The following TRPM7 variants were observed in gnomAD, a reference collection of about 807,000 sequenced individuals.
TRPM7 encodes the protein transient receptor potential cation channel subfamily M member 7, also known as LTRPC ion channel family member 7.
TRPM7 carries 134 observed loss-of-function variants against 229.7 expected under a neutral mutation model. That is an observed-to-expected ratio of 0.58 (90% CI 0.51 to 0.67). The LOEUF is 0.67. Among genes scored for constraint, TRPM7 ranks in the 30% least tolerant of loss-of-function variants. The pLI is 0.00. For missense variants in TRPM7, 1,901 were observed against 2,210.0 expected (o/e 0.86, Z 2.80); for synonymous variants, 699 against 715.2 (o/e 0.98, Z 0.36).
intron 19 of TRPM7, among the ~76,000 whole-genome samples, chr15:50,609,333 A>G (rs971481145): frequency 6.6e-6 from 1 of 152,200 alleles, no homozygotes; most frequent in Non-Finnish European, 1.5e-5. Flanking sequence ...CTACCAACTT[A>G]CAAAGGCCAA....
At position 50,633,027 on chromosome 15, in the gene TRPM7, T is replaced by C. The variant is rs1170383919; in HGVS notation, c.1008-35A>G. 4.5e-6 allele frequency: 7 copies of C among 1,559,668 alleles called. No homozygotes were observed. The South Asian group carries it at 4.9e-5, about 11-fold the overall frequency. ...AAGGAAACATAATTCACTGATTTCA[T>C]CTTCCATTATTTGTAGGATCAATAT... On this transcript the variant is annotated intron_variant, in intron 8 of 38. Transcript: ENST00000646667.
chr15:50,667,073 A>G, intron 1 of TRPM7, among the ~76,000 whole-genome samples: 1 of 151,960 alleles, frequency 6.6e-6, no homozygotes, highest in East Asian at 1.9e-4. Flanking sequence ...CCATAAAGGG[A>G]TGATACTGAG....
chr15:50,581,817 A>C (rs2054427307), intron 29 of TRPM7, among the ~76,000 whole-genome samples: 1 of 151,954 alleles, frequency 6.6e-6, no homozygotes. Flanking sequence ...AAGGCCAGTT[A>C]GATATGTCTT....
Position 50,560,679 on chromosome 15 carries a change from A to G in TRPM7, c.*999T>C, listed in dbSNP as rs1441553332. Reference sequence around the variant, plus strand: ...CACTGCAATCTGCCAGTATCACATAATGATAATCCAACTGAATTAATTTCT... The same window carrying G: ...CACTGCAATCTGCCAGTATCACATAGTGATAATCCAACTGAATTAATTTCT... On this transcript the variant is annotated 3_prime_UTR_variant, in exon 39 of 39. Coordinates refer to ENST00000646667, the MANE Select transcript of TRPM7 (RefSeq NM_017672.6). 1 of 152,750 alleles carries G rather than the reference A, an allele frequency of 6.5e-6. No homozygotes were observed. Among genetic ancestry groups the G allele is most frequent in the South Asian group, 2.1e-4 (1 of 4,830 alleles). 9.5% of individuals were successfully genotyped at this position (152,750 alleles called of 1,614,324 possible).
intron 29 of TRPM7, chr15:50,582,886 T>A: frequency 2.9e-6 from 1 of 343,998 alleles, no homozygotes; most frequent in Non-Finnish European, 5.3e-6. Flanking sequence ...CCTGCCTTTA[T>A]TCTGCATAAA....
intron 38 of TRPM7, among the ~76,000 whole-genome samples, chr15:50,567,448 T>G (rs1219386868): frequency 6.6e-6 from 1 of 151,912 alleles, no homozygotes. Context: ...TACAATCTAT[T>G]CCCGAAAATA....
At chr15:50,652,092 G>A (rs1418912085) in intron 3 of TRPM7, among the ~76,000 whole-genome samples, 2 of 151,608 alleles carry the variant, frequency 1.3e-5, no homozygotes, top group Non-Finnish European at 2.9e-5. Flanking sequence ...CAGCACTTCA[G>A]GGGGCCGAGG....
intron 38 of TRPM7, among the ~76,000 whole-genome samples, chr15:50,563,791 GGCATTTTTTT>G (rs1359701523): frequency 6.6e-6 from 1 of 152,062 alleles, no homozygotes; most frequent in East Asian, 1.9e-4. Context: ...AAAACATGAT[GGCATTTTTTT>G]GCATTTTTTT....
intron 26 of TRPM7, among the ~76,000 whole-genome samples, chr15:50,591,294 C>G (rs2059486207): frequency 6.6e-6 from 1 of 152,026 alleles, no homozygotes; most frequent in South Asian, 2.1e-4. Context: ...GGGCACTGTT[C>G]TTTTCCAGTT....
At chr15:50,663,399 T>C (rs757047256) in intron 1 of TRPM7, among the ~76,000 whole-genome samples, 2 of 152,226 alleles carry the variant, frequency 1.3e-5, no homozygotes, top group Non-Finnish European at 2.9e-5. Context: ...GTGGTGGGAT[T>C]ACAGGCGTGA....
At chr15:50,635,067 C>G (rs1032133071) in intron 7 of TRPM7, among the ~76,000 whole-genome samples, 1 of 151,884 alleles carries the variant, frequency 6.6e-6, no homozygotes, top group Non-Finnish European at 1.5e-5. Context: ...CCTGTAATCC[C>G]AGCACTTTCG....
chr15:50,667,509 C>A (rs2061911098), intron 1 of TRPM7, among the ~76,000 whole-genome samples: 1 of 152,180 alleles, frequency 6.6e-6, no homozygotes. Flanking sequence ...AGTTTTGAGA[C>A]CAGCCTGGCC....
Position 50,559,526 on chromosome 15 carries a change from CA to C in TRPM7, c.*2151del, listed in dbSNP as rs2053232811. 8.7e-6 allele frequency: 1 copy of C among 115,270 alleles called. No individual in the cohort carries two copies. The highest frequency in any genetic ancestry group is 3.0e-4 in the South Asian group (1 of 3,384). The allele number at this position is 115,270 out of a possible 1,614,324, so 7.1% of individuals were successfully genotyped here. A position where few individuals can be genotyped will look rare whatever the true frequency, so the allele number is the denominator to read the frequency against. ...CAAAACAAAACAAAACAAAACAAAACAAAACAAAAACAGTATAGATGAAAGG... is the reference window on the plus strand; with the variant it reads ...CAAAACAAAACAAAACAAAACAAAACAAACAAAAACAGTATAGATGAAAGG... On this transcript the variant is annotated 3_prime_UTR_variant, in exon 39 of 39. Coordinates refer to ENST00000646667, the MANE Select transcript of TRPM7 (RefSeq NM_017672.6).
chr15:50,586,509 T>A (rs1311370518), intron 27 of TRPM7, 21 bp from the exon 28 acceptor site: 1 of 1,509,920 alleles, frequency 6.6e-7, no homozygotes, highest in African/African-American at 1.4e-5. Flanking sequence ...TGTGCAGACA[T>A]ATAATTTGAA....
At chr15:50,661,678 C>T (rs1238503513) in intron 2 of TRPM7, among the ~76,000 whole-genome samples, 1 of 152,082 alleles carries the variant, frequency 6.6e-6, no homozygotes, top group Admixed American at 6.6e-5. Flanking sequence ...TAAAAACTGT[C>T]TATTTAGCTA....
chr15:50,589,219 G>T (rs143368364), intron 27 of TRPM7, among the ~76,000 whole-genome samples: 4 of 151,356 alleles, frequency 2.6e-5, no homozygotes, highest in African/African-American at 7.3e-5. Flanking sequence ...CTACTCAAGA[G>T]GCTGAGGCAG....
chr15:50,592,966 T>C (rs1428535539), intron 25 of TRPM7, among the ~76,000 whole-genome samples: 1 of 152,166 alleles, frequency 6.6e-6, no homozygotes, highest in African/African-American at 2.4e-5. Flanking sequence ...AAACACCATA[T>C]GCTTCCAGAA....
intron 38 of TRPM7, among the ~76,000 whole-genome samples, chr15:50,562,206 C>G (rs897818461): frequency 1.3e-5 from 2 of 152,124 alleles, no homozygotes; most frequent in African/African-American, 2.4e-5. Context: ...GAATTAGGAT[C>G]ATTTCTAATC....
rs543271939 is a variant in TRPM7 at position 50,606,138 on chromosome 15, C to T, written c.2710-994G>A. Among the ~76,000 whole-genome samples the T allele has an allele frequency of 8.0e-3, 1,221 of 152,184 alleles. 13 individuals carry two copies. Among genetic ancestry groups the T allele is most frequent in the Non-Finnish European group, 0.012 (809 of 67,996 alleles). On this transcript the variant is annotated intron_variant, in intron 20 of 38. Coordinates refer to ENST00000646667, the MANE Select transcript of TRPM7 (RefSeq NM_017672.6). Reference sequence around the variant, plus strand: ...GCTCACGCCTACAATCCTAGCACTTCGGGAGACAAAGGCGGGCGGATCATG... The same window carrying T: ...GCTCACGCCTACAATCCTAGCACTTTGGGAGACAAAGGCGGGCGGATCATG...
Sources: gnomAD v4.1 joint callset for allele counts (sites outside exome capture counted in the v4.1 genomes callset) on GRCh38, gnomAD v4.1.1 for gene constraint, MANE v1.5 for transcripts, NCBI Gene and HGNC (gene_info 2026-07-23, HGNC 2026-07-21) for gene names.